The following COG6 variants were observed in gnomAD, a reference collection of about 807,000 sequenced individuals.
The protein encoded by COG6 is component of oligomeric golgi complex 6, also known as conserved oligomeric Golgi complex subunit 6.
A neutral mutation model predicts 88.8 loss-of-function variants in COG6; 74 were observed. That is an observed-to-expected ratio of 0.83 (90% CI 0.69 to 1.01). The LOEUF is 1.01. Ranked by LOEUF, COG6 falls within the 50% of genes least tolerant of loss-of-function variation. The pLI is 0.00. For missense variants in COG6, 800 were observed against 797.9 expected (o/e 1.00, Z -0.03); for synonymous variants, 286 against 278.7 (o/e 1.03, Z -0.26).
At chr13:39,769,741 C>T (rs113521125) in intron 18 of COG6, among the ~76,000 whole-genome samples, 9 of 152,154 alleles carry the variant, frequency 5.9e-5, no homozygotes, top group South Asian at 4.2e-4. Flanking sequence ...GCGGGGCCTT[C>T]GGTTGGTGAT....
At chr13:39,729,098 A>G (rs1359592839) in intron 18 of COG6, among the ~76,000 whole-genome samples, 1 of 152,240 alleles carries the variant, frequency 6.6e-6, no homozygotes, top group Non-Finnish European at 1.5e-5. Context: ...TCTTTTCATA[A>G]TATAATGATT....
At chr13:39,692,446 G>A (rs1877035287) in intron 11 of COG6, among the ~76,000 whole-genome samples, 1 of 151,952 alleles carries the variant, frequency 6.6e-6, no homozygotes, top group African/African-American at 2.4e-5. Context: ...GCAGGTATAT[G>A]TAAAAGATCA....
chr13:39,704,305 G>A lies in COG6; in HGVS notation c.1284+4687G>A, dbSNP rs751062909. On this transcript the variant is annotated intron_variant, in intron 13 of 18. Transcript: ENST00000455146. ...TTGAAAAAATCTGCGTGTGACTTTC[G>A]ACTCTCAAAATCTAACTGCTAATTA... Among the ~76,000 whole-genome samples the A allele has an allele frequency of 4.6e-5, 7 of 152,192 alleles. No individual in the cohort carries two copies. In the East Asian group the frequency reaches 9.7e-4, roughly 21 times the overall value.
intron 18 of COG6, among the ~76,000 whole-genome samples, chr13:39,730,046 T>G (rs1566031188): frequency 6.6e-6 from 1 of 152,194 alleles, no homozygotes; most frequent in Non-Finnish European, 1.5e-5. Context: ...TCTCCTTTAC[T>G]TTTATTGTCC....
chr13:39,683,279 G>A (rs910603819), intron 8 of COG6, among the ~76,000 whole-genome samples: 8 of 152,168 alleles, frequency 5.3e-5, no homozygotes, highest in Admixed American at 2.6e-4. Flanking sequence ...GCCAGATGCT[G>A]TGTGGCTCAA....
intron 18 of COG6, among the ~76,000 whole-genome samples, chr13:39,769,190 C>G (rs1476367145): frequency 6.6e-6 from 1 of 152,200 alleles, no homozygotes; most frequent in Non-Finnish European, 1.5e-5. Context: ...TTCCATAACA[C>G]TCCTATGTAC....
chr13:39,685,251 ATTTTGAT>A (rs1449085885), intron 8 of COG6, among the ~76,000 whole-genome samples: 1 of 152,126 alleles, frequency 6.6e-6, no homozygotes, highest in Non-Finnish European at 1.5e-5. Flanking sequence ...AAAAAGCTCC[ATTTTGAT>A]TTTTGATTAT....
intron 18 of COG6, among the ~76,000 whole-genome samples, chr13:39,759,869 A>G (rs1254704521): frequency 6.6e-6 from 1 of 152,162 alleles, no homozygotes; most frequent in Admixed American, 6.5e-5. Context: ...TGAATTGGGG[A>G]AATTGTTGAT....
Position 39,751,593 on chromosome 13 carries a change from T to G in COG6, c.*500T>G. On this transcript the variant is annotated 3_prime_UTR_variant, in exon 19 of 19. Transcript: ENST00000455146. The stretch of plus-strand genomic sequence containing the variant: ...TCTCTGTCCCCAAAATAGCTGCCCT[T>G]AAAGAGTTGTTAGCAGAGAGAAAAA... 1 of 1,287,174 alleles carries G rather than the reference T, an allele frequency of 7.8e-7. No homozygotes were observed. The highest frequency in any genetic ancestry group is 1.0e-6 in the Non-Finnish European group (1 of 988,680). The allele number at this position is 1,287,174 out of a possible 1,614,324, so 79.7% of individuals were successfully genotyped here.
In COG6 at chr13:39,720,121, G is replaced by A. The variant is rs141754792; in HGVS notation, c.1584+294G>A. Reference sequence around the variant, plus strand: ...CCATAATATGTGATAGTAGATTGAAGCTTTCTGATTAATTTGAACAGTTAG... The same window carrying A: ...CCATAATATGTGATAGTAGATTGAAACTTTCTGATTAATTTGAACAGTTAG... On this transcript the variant is annotated intron_variant, in intron 15 of 18. Transcript: ENST00000455146. Among the ~76,000 whole-genome samples the A allele has an allele frequency of 5.7e-4, 87 of 152,036 alleles. No individual in the cohort carries two copies. In the Middle Eastern group the frequency reaches 0.017, roughly 30 times the overall value.
At chr13:39,733,440 C>T (rs942385502) in intron 18 of COG6, among the ~76,000 whole-genome samples, 2 of 152,016 alleles carry the variant, frequency 1.3e-5, no homozygotes, top group East Asian at 1.9e-4. Flanking sequence ...CTGCCCACCT[C>T]GTCCTCCCAA....
chr13:39,719,738 A>G lies in COG6; in HGVS notation c.1495A>G (p.Thr499Ala), dbSNP rs1190768467. 20 of 1,612,406 alleles carry G rather than the reference A, an allele frequency of 1.2e-5. 1 individual carries two copies. The South Asian group carries it at 2.1e-4, about 17-fold the overall frequency. ...ASNLGTADMA[T>A]FMVNSLYMMK... is the part of the protein sequence containing the mutation. Reference sequence around the variant, plus strand: ...CAATTTAGGCACAGCTGACATGGCCACTTTCATGGTCAATTCACTATATAT... The same window carrying G: ...CAATTTAGGCACAGCTGACATGGCCGCTTTCATGGTCAATTCACTATATAT... Residue 499 changes from threonine (T) to alanine (A), a missense_variant, in exon 15 of 19, where the codon ACT becomes GCT. By Grantham distance (58) the Thr-to-Ala change is moderately conservative (BLOSUM62 0). Coordinates refer to ENST00000455146, the MANE Select transcript of COG6 (RefSeq NM_020751.3).
chr13:39,672,637 C>T (rs757531424), intron 4 of COG6, among the ~76,000 whole-genome samples: 11 of 151,976 alleles, frequency 7.2e-5, no homozygotes, highest in East Asian at 1.9e-4. Context: ...TTTGTTCACC[C>T]GCTCACTAGT....
At chr13:39,750,333 A>G (rs1258078279) in intron 18 of COG6, among the ~76,000 whole-genome samples, 3 of 152,134 alleles carry the variant, frequency 2.0e-5, no homozygotes, top group Non-Finnish European at 4.4e-5. Context: ...TTCTAGCTGG[A>G]TAATTTTGTA....
chr13:39,750,285 A>G (rs1301873812), intron 18 of COG6, among the ~76,000 whole-genome samples: 1 of 152,202 alleles, frequency 6.6e-6, no homozygotes, highest in South Asian at 2.1e-4. Context: ...GGAACTATGC[A>G]GAGAGTTGTT....
At chr13:39,657,088 T>C (rs1284935541) in intron 1 of COG6, among the ~76,000 whole-genome samples, 1 of 152,120 alleles carries the variant, frequency 6.6e-6, no homozygotes, top group African/African-American at 2.4e-5. Context: ...TGGAGTGCAA[T>C]GGGCGCAGTC....
At chr13:39,682,071 A>G (rs1876344951) in intron 7 of COG6, 100 bp from the exon 8 acceptor site, 1 of 781,732 alleles carries the variant, frequency 1.3e-6, no homozygotes, top group South Asian at 1.5e-5. Context: ...ATTTTTTTTT[A>G]TGGGGTGTTT....
At chr13:39,755,023 T>G (rs75094746), downstream of COG6, among the ~76,000 whole-genome samples, 1,690 of 152,260 alleles carry the variant, frequency 0.011, 28 homozygotes, top group African/African-American at 0.039. Flanking sequence ...TGTAAAATTA[T>G]GTAATAGTGT....
intron 13 of COG6, among the ~76,000 whole-genome samples, chr13:39,713,316 T>G (rs1263964059): frequency 6.6e-6 from 1 of 152,206 alleles, no homozygotes; most frequent in Non-Finnish European, 1.5e-5. Context: ...CCCACTTAAT[T>G]CTAGTATTTG....
Sources: gnomAD v4.1 joint callset for allele counts (sites outside exome capture counted in the v4.1 genomes callset) on GRCh38, gnomAD v4.1.1 for gene constraint, MANE v1.5 for transcripts, NCBI Gene and HGNC (gene_info 2026-07-23, HGNC 2026-07-21) for gene names.